Variants in RAB28 observed in about 807,000 individuals in gnomAD.
RAB28 encodes ras-related protein Rab-28.
Under a neutral mutation model 31.7 loss-of-function variants are expected in RAB28, and 24 were observed. The ratio of observed to expected loss-of-function variants is 0.76; its 90% CI spans 0.55 to 1.06. RAB28 has a LOEUF of 1.06. RAB28 is among the 50% of genes least tolerant of loss of function. The pLI is 0.00. For missense variants in RAB28, 254 were observed against 258.5 expected, an observed-to-expected ratio of 0.98 and a Z score of 0.12; for synonymous variants, 100 against 90.4, an observed-to-expected ratio of 1.11 and a Z score of -0.60.
chr4:13,463,427 G>C (rs1715695891), intron 3 of RAB28, among the ~76,000 whole-genome samples: 2 of 152,122 alleles, frequency 1.3e-5, no homozygotes, highest in African/African-American at 4.8e-5. Context: ...TGTATCTGTA[G>C]ATAAACTTTT....
At chr4:13,391,582 G>A (rs1481530060) in intron 4 of RAB28, among the ~76,000 whole-genome samples, 2 of 152,088 alleles carry the variant, frequency 1.3e-5, no homozygotes, top group East Asian at 1.9e-4. Context: ...TATAAATCAC[G>A]CTACTATAAA....
chr4:13,444,173 GC>G (rs1714571795), intron 4 of RAB28, among the ~76,000 whole-genome samples: 1 of 151,668 alleles, frequency 6.6e-6, no homozygotes, highest in Non-Finnish European at 1.5e-5. Flanking sequence ...GACTACAGGC[GC>G]CCGCCACCAT....
intron 4 of RAB28, among the ~76,000 whole-genome samples, chr4:13,388,862 T>C (rs952938361): frequency 6.6e-6 from 1 of 152,044 alleles, no homozygotes; most frequent in Non-Finnish European, 1.5e-5. Flanking sequence ...GACTGTAAAG[T>C]GGTGCAACTG....
intron 4 of RAB28, among the ~76,000 whole-genome samples, chr4:13,390,529 C>A (rs1191908596): frequency 3.3e-5 from 5 of 151,766 alleles, no homozygotes; most frequent in Admixed American, 1.3e-4. Flanking sequence ...CCCCATCAAG[C>A]TACCATTGAC....
At chr4:13,405,215 T>C (rs887865385) in intron 4 of RAB28, among the ~76,000 whole-genome samples, 3 of 152,176 alleles carry the variant, frequency 2.0e-5, no homozygotes, top group Admixed American at 6.5e-5. Context: ...TCCTTCTTTC[T>C]TTTACTGGGG....
At chr4:13,391,922 G>A (rs1729651420) in intron 4 of RAB28, among the ~76,000 whole-genome samples, 1 of 151,882 alleles carries the variant, frequency 6.6e-6, no homozygotes, top group Non-Finnish European at 1.5e-5. Context: ...GGGGGCTGGG[G>A]GAGGGATAGC....
chr4:13,373,324 A>G (rs1034246329), intron 6 of RAB28, among the ~76,000 whole-genome samples: 2 of 152,302 alleles, frequency 1.3e-5, no homozygotes, highest in African/African-American at 4.8e-5. Context: ...TAACAACAGT[A>G]TCAATTCTTA....
chr4:13,390,930 T>C, intron 4 of RAB28, among the ~76,000 whole-genome samples: 1 of 152,146 alleles, frequency 6.6e-6, no homozygotes, highest in Non-Finnish European at 1.5e-5. Flanking sequence ...ACTTAAATGT[T>C]AGACCTAAAA....
chr4:13,455,499 T>G (rs1304909534), intron 4 of RAB28, among the ~76,000 whole-genome samples: 2 of 152,156 alleles, frequency 1.3e-5, no homozygotes, highest in Non-Finnish European at 2.9e-5. Context: ...CTTGGTGGAA[T>G]GAAGATGGAA....
chr4:13,391,174 T>A (rs1577165915), intron 4 of RAB28, among the ~76,000 whole-genome samples: 1 of 151,962 alleles, frequency 6.6e-6, no homozygotes, highest in African/African-American at 2.4e-5. Flanking sequence ...AGGACTAATA[T>A]CCAGAATCTA....
At chr4:13,421,830 C>T (rs911676158) in intron 4 of RAB28, among the ~76,000 whole-genome samples, 6 of 152,136 alleles carry the variant, frequency 3.9e-5, no homozygotes, top group Admixed American at 3.9e-4. Context: ...CCATTCAGGA[C>T]ACAGGCATGG....
At chr4:13,372,021 T>C (rs1223695377) in intron 6 of RAB28, among the ~76,000 whole-genome samples, 2 of 152,018 alleles carry the variant, frequency 1.3e-5, no homozygotes, top group East Asian at 1.9e-4. Flanking sequence ...GTAAGGAGTA[T>C]AGATGGACTC....
intron 4 of RAB28, among the ~76,000 whole-genome samples, chr4:13,415,591 A>G (rs1712721284): frequency 6.6e-6 from 1 of 152,104 alleles, no homozygotes; most frequent in African/African-American, 2.4e-5. Context: ...GCCCACTGGC[A>G]CTGCGCTCGA....
Position 13,369,728 on chromosome 4 carries a change from T to A in RAB28, c.574-1078A>T. 3.8e-6 allele frequency: 3 copies of A among 791,312 alleles called. No homozygotes were observed. In the South Asian group the frequency reaches 1.6e-4, roughly 43 times the overall value. The allele number at this position is 791,312 out of a possible 1,614,324, so 49.0% of individuals were successfully genotyped here. A position where few individuals can be genotyped will look rare whatever the true frequency, so the allele number is the denominator to read the frequency against. On this transcript the variant is annotated intron_variant, in intron 6 of 6. Coordinates refer to ENST00000330852, the MANE Select transcript of RAB28 (RefSeq NM_001017979.3). ...AGAGGACCAATTTTTTAGTTCTAAA[T>A]CAAGACGTAGACGTGATATTAACTT...
intron 4 of RAB28, among the ~76,000 whole-genome samples, chr4:13,412,477 A>C (rs1319331279): frequency 6.6e-6 from 1 of 152,154 alleles, no homozygotes; most frequent in Non-Finnish European, 1.5e-5. Flanking sequence ...CGTAAGAAAA[A>C]TTATTCTTAA....
In RAB28 at chr4:13,368,378, T is replaced by C. The variant is rs575740718; in HGVS notation, c.*180A>G. ...CAAAGTGTGTGGTCCCAAAGTTGAA[T>C]TCTTTCAAATCCAAGGAGCTGCCTG... is the stretch of plus-strand genomic sequence containing the variant. On this transcript the variant is annotated 3_prime_UTR_variant, in exon 7 of 7. Coordinates refer to ENST00000330852, the MANE Select transcript of RAB28 (RefSeq NM_001017979.3). 104 of 1,237,854 alleles carry C rather than the reference T, an allele frequency of 8.4e-5. No individual in the cohort carries two copies. In the South Asian group the frequency reaches 3.2e-3, roughly 38 times the overall value. The allele number at this position is 1,237,854 out of a possible 1,614,324, so 76.7% of individuals were successfully genotyped here. A position where few individuals can be genotyped will look rare whatever the true frequency, so the allele number is the denominator to read the frequency against.
At chr4:13,371,180 G>C (rs1262188780) in intron 6 of RAB28, 1 of 985,214 alleles carries the variant, frequency 1.0e-6, no homozygotes. Flanking sequence ...GGTGGCTTCT[G>C]CTTCAGTTCT....
chr4:13,385,209 G>A lies in RAB28; in HGVS notation c.392-3615C>T, dbSNP rs370270390. 5.3e-5 allele frequency among the ~76,000 whole-genome samples: 8 copies of A among 152,232 alleles called. No individual in the cohort carries two copies. In the East Asian group the frequency reaches 9.6e-4, roughly 18 times the overall value. Reference sequence around the variant, plus strand: ...TGAGAAATAGGAGATTACATAAAGAGAACAAATCCACAACTCATTGGTGTC... The same window carrying A: ...TGAGAAATAGGAGATTACATAAAGAAAACAAATCCACAACTCATTGGTGTC... On this transcript the variant is annotated intron_variant, in intron 4 of 6. Coordinates refer to ENST00000330852, the MANE Select transcript of RAB28 (RefSeq NM_001017979.3).
intron 4 of RAB28, among the ~76,000 whole-genome samples, chr4:13,425,338 A>G (rs1713413317): frequency 1.3e-5 from 2 of 152,238 alleles, no homozygotes; most frequent in African/African-American, 4.8e-5. Flanking sequence ...CAAGCAGGCA[A>G]TTGATTCTGG....
Sources: allele counts gnomAD v4.1 joint callset (sites outside exome capture counted in the v4.1 genomes callset), GRCh38; gene constraint gnomAD v4.1.1; transcripts MANE v1.5; gene names NCBI Gene and HGNC (gene_info 2026-07-23, HGNC 2026-07-21).